Variants in SLF1 observed in about 807,000 individuals in gnomAD.
SLF1 encodes the protein SMC5/6 complex localization factor 1, also known as SMC5-SMC6 complex localization factor protein 1.
Under a neutral mutation model 123.0 loss-of-function variants are expected in SLF1, and 105 were observed. The ratio of observed to expected loss-of-function variants is 0.85; its 90% CI spans 0.73 to 1.00. The LOEUF (loss-of-function observed/expected upper bound fraction) is 1.00. Ranked by LOEUF, SLF1 falls within the 50% of genes least tolerant of loss-of-function variation. SLF1 has a pLI of 0.00. For missense variants in SLF1, 1,239 were observed against 1,223.0 expected (o/e 1.01, Z -0.20); for synonymous variants, 434 against 406.6 (o/e 1.07, Z -0.81).
chr5:94,659,300 TATC>T (rs1484609551), intron 9 of SLF1, among the ~76,000 whole-genome samples: 1 of 152,234 alleles, frequency 6.6e-6, no homozygotes, highest in Non-Finnish European at 1.5e-5. Flanking sequence ...GTTTTTTTAA[TATC>T]ATCATTTTAA....
Position 94,654,730 on chromosome 5 carries a change from G to A in SLF1, c.1133G>A (p.Arg378Lys), listed in dbSNP as rs1295674040. 2.0e-6 allele frequency: 3 copies of A among 1,538,142 alleles called. No homozygotes were observed. The Admixed American group carries it at 6.0e-5, about 31-fold the overall frequency. ...GTTGTTGAAATAAAAAATACCTTAA[G>A]GAAGCACATATATAGAGCTCAGGTA... ...VDVVEIKNTL[R>K]KHIYRAQAVR... Residue 378 changes from arginine (R) to lysine (K), a missense_variant, in exon 9 of 21, where the codon AGG (arginine) becomes AAG (lysine). By Grantham distance (26) the Arg-to-Lys change is conservative. Transcript: ENST00000265140.
intron 14 of SLF1, among the ~76,000 whole-genome samples, chr5:94,674,395 C>T (rs1585204103): frequency 6.6e-6 from 1 of 152,092 alleles, no homozygotes; most frequent in Non-Finnish European, 1.5e-5. Flanking sequence ...TAAATTGTAG[C>T]ATTGTGATAT....
At chr5:94,668,927 G>A (rs1309375855) in intron 12 of SLF1, among the ~76,000 whole-genome samples, 1 of 152,118 alleles carries the variant, frequency 6.6e-6, no homozygotes, top group Non-Finnish European at 1.5e-5. Flanking sequence ...CTTACAGAAG[G>A]TGTTCAGTCT....
chr5:94,671,139 C>A, intron 14 of SLF1, 131 bp downstream of exon 14: 1 of 699,516 alleles, frequency 1.4e-6, no homozygotes, highest in Non-Finnish European at 2.1e-6. Context: ...TCATTGTTTT[C>A]TATTTAGTTT....
intron 12 of SLF1, among the ~76,000 whole-genome samples, chr5:94,666,242 A>T (rs1400348987): frequency 6.6e-6 from 1 of 152,256 alleles, no homozygotes; most frequent in East Asian, 1.9e-4. Flanking sequence ...AAATGAATGC[A>T]TGAAATGGAC....
Position 94,691,594 on chromosome 5 carries a change from A to G in SLF1, c.2450A>G (p.Asn817Ser), listed in dbSNP as rs1185097653. The G allele has an allele frequency of 3.1e-6, 5 of 1,611,442 alleles. No individual in the cohort carries two copies. The highest frequency in any genetic ancestry group is 4.2e-6 in the Non-Finnish European group (5 of 1,179,430). Reference sequence around the variant, plus strand: ...ACAGCCCTGCATAGAGCTTGCATAAATAACCAAGTGGAGAAATTGATTCTT... The same window carrying G: ...ACAGCCCTGCATAGAGCTTGCATAAGTAACCAAGTGGAGAAATTGATTCTT... ...GETALHRACI[N>S]NQVEKLILLL... Residue 817 changes from asparagine (N) to serine (S), a missense_variant, in exon 19 of 21, where the codon AAT becomes AGT. Coordinates refer to ENST00000265140, the MANE Select transcript of SLF1 (RefSeq NM_032290.4).
At chr5:94,694,049 T>G (rs1753321834) in intron 20 of SLF1, among the ~76,000 whole-genome samples, 1 of 151,896 alleles carries the variant, frequency 6.6e-6, no homozygotes, top group Admixed American at 6.6e-5. Context: ...TACTAAAATC[T>G]TTATATCCCC....
chr5:94,691,597 A>T lies in SLF1; in HGVS notation c.2453A>T (p.Asn818Ile). The T allele has an allele frequency of 1.2e-6, 2 of 1,611,576 alleles. No homozygotes were observed. Among genetic ancestry groups the T allele is most frequent in the Non-Finnish European group, 1.7e-6 (2 of 1,179,402 alleles). The stretch of plus-strand genomic sequence containing the variant: ...GCCCTGCATAGAGCTTGCATAAATA[A>T]CCAAGTGGAGAAATTGATTCTTCTT... Reference protein sequence around the residue: ...ETALHRACINNQVEKLILLLS... With the variant: ...ETALHRACINIQVEKLILLLS... Residue 818 changes from asparagine (N) to isoleucine (I), a missense_variant, in exon 19 of 21, where the codon AAC (asparagine) becomes ATC (isoleucine). Coordinates refer to ENST00000265140, the MANE Select transcript of SLF1 (RefSeq NM_032290.4).
At chr5:94,664,173 G>A (rs186634594) in intron 11 of SLF1, among the ~76,000 whole-genome samples, 35 of 152,114 alleles carry the variant, frequency 2.3e-4, no homozygotes, top group Admixed American at 9.8e-4. Context: ...TTTTTCTCAC[G>A]GCAGTAAAGT....
In SLF1 at chr5:94,694,952, T is replaced by C; in HGVS notation, c.2817T>C (p.Phe939=). The part of the protein sequence containing the change: ...ITKIEDTVEN[F]HAQAEKHFHY... Reference sequence around the variant, plus strand: ...AAATAGAAGATACAGTGGAGAACTTTCATGCACAAGCAGAGAAACATTTTC... The same window carrying C: ...AAATAGAAGATACAGTGGAGAACTTCCATGCACAAGCAGAGAAACATTTTC... Residue 939 remains phenylalanine (F), a synonymous_variant, in exon 21 of 21, where the codon TTT becomes TTC. Transcript: ENST00000265140. 4 of 1,612,648 alleles carry C rather than the reference T, an allele frequency of 2.5e-6. No individual in the cohort carries two copies. The highest frequency in any genetic ancestry group is 2.5e-6 in the Non-Finnish European group (3 of 1,179,118).
At chr5:94,677,562 A>G (rs1585210967) in intron 14 of SLF1, among the ~76,000 whole-genome samples, 1 of 152,202 alleles carries the variant, frequency 6.6e-6, no homozygotes, top group Admixed American at 6.5e-5. Flanking sequence ...GGCAGAACAT[A>G]GTTATAATCT....
chr5:94,621,747 G>C (rs1469760887), intron 1 of SLF1, among the ~76,000 whole-genome samples: 1 of 151,972 alleles, frequency 6.6e-6, no homozygotes, highest in Non-Finnish European at 1.5e-5. Flanking sequence ...TTTGGGGCTT[G>C]TTCTGTTTCT....
intron 14 of SLF1, among the ~76,000 whole-genome samples, chr5:94,677,204 T>C (rs1751174511): frequency 6.6e-6 from 1 of 152,210 alleles, no homozygotes; most frequent in Non-Finnish European, 1.5e-5. Flanking sequence ...AAATTCCATG[T>C]AAACTATGAA....
At chr5:94,675,614 A>G (rs1312739335) in intron 14 of SLF1, among the ~76,000 whole-genome samples, 1 of 152,186 alleles carries the variant, frequency 6.6e-6, no homozygotes, top group Non-Finnish European at 1.5e-5. Context: ...AAAAGGATCT[A>G]AGAACCTGAG....
chr5:94,623,263 T>C (rs1791953455), intron 1 of SLF1, among the ~76,000 whole-genome samples: 1 of 152,118 alleles, frequency 6.6e-6, no homozygotes, highest in African/African-American at 2.4e-5. Flanking sequence ...ACAGAGACAG[T>C]TGCTTGCTAT....
At chr5:94,680,400 A>G (rs139745892) in intron 15 of SLF1, among the ~76,000 whole-genome samples, 26 of 152,238 alleles carry the variant, frequency 1.7e-4, no homozygotes, top group African/African-American at 4.1e-4. Flanking sequence ...CTAACATTCA[A>G]TCTTCCTGCA....
chr5:94,644,016 T>C (rs1024538254), intron 5 of SLF1, among the ~76,000 whole-genome samples: 2 of 152,184 alleles, frequency 1.3e-5, no homozygotes, highest in Non-Finnish European at 2.9e-5. Flanking sequence ...TAATACTTTA[T>C]GTCAGAGATC....
In SLF1 at chr5:94,630,748, G is replaced by C. The variant is rs376264236; in HGVS notation, c.431+5G>C. ...GCGAAGTGATTCTCTTATAAGGTAG[G>C]ATGTGATTACATAAAAGCTAAAGCA... On this transcript the variant is annotated splice_donor_5th_base_variant and intron_variant, in intron 4 of 20. Coordinates refer to ENST00000265140, the MANE Select transcript of SLF1 (RefSeq NM_032290.4). 2 of 1,541,698 alleles carry C rather than the reference G, an allele frequency of 1.3e-6. No homozygotes were observed. The highest frequency in any genetic ancestry group is 2.4e-5 in the South Asian group (2 of 82,874).
Position 94,668,402 on chromosome 5 carries a change from C to T in SLF1, c.1533-1749C>T, listed in dbSNP as rs528248091. The stretch of plus-strand genomic sequence containing the variant: ...AGGCTGGAGTGCAGTGGTGCGATCT[C>T]GGCTCACTGCAACCTCCGCCTCGCA... On this transcript the variant is annotated intron_variant, in intron 12 of 20. Coordinates refer to ENST00000265140, the MANE Select transcript of SLF1 (RefSeq NM_032290.4). 1.1e-3 allele frequency among the ~76,000 whole-genome samples: 168 copies of T among 151,760 alleles called. 1 individual carries two copies. Among genetic ancestry groups the T allele is most frequent in the Admixed American group, 9.4e-3 (143 of 15,264 alleles).
Sources: gnomAD v4.1 joint callset for allele counts (sites outside exome capture counted in the v4.1 genomes callset) on GRCh38, gnomAD v4.1.1 for gene constraint, MANE v1.5 for transcripts, NCBI Gene and HGNC (gene_info 2026-07-23, HGNC 2026-07-21) for gene names.